NDST3: variants seen among roughly 807,000 people sequenced by gnomAD.
The protein encoded by NDST3 is bifunctional heparan sulfate N-deacetylase/N-sulfotransferase 3.
In NDST3, 58 loss-of-function variants were observed where a neutral mutation model predicts 96.1. The observed-to-expected ratio is 0.60, with a 90% confidence interval of 0.49 to 0.75. The LOEUF (loss-of-function observed/expected upper bound fraction) is 0.75, where lower values mean the gene tolerates loss of function less well. Among genes scored for constraint, NDST3 ranks in the 30% least tolerant of loss-of-function variants. The probability of loss-of-function intolerance (pLI) is 0.00; values close to 1 mark genes in which losing one functional copy is unlikely to be tolerated. For missense variants in NDST3, 788 were observed against 1,034.2 expected, an observed-to-expected ratio of 0.76 and a Z score of 3.27; for synonymous variants, 333 against 359.7, an observed-to-expected ratio of 0.93 and a Z score of 0.84.
intron 2 of NDST3, among the ~76,000 whole-genome samples, chr4:118,092,846 G>A (rs964995546): frequency 2.0e-5 from 3 of 151,796 alleles, no homozygotes; most frequent in Admixed American, 2.0e-4. Context: ...CAGGTGTTGT[G>A]GAGAAAATAA....
At chr4:118,087,578 C>A (rs1728531821) in intron 2 of NDST3, among the ~76,000 whole-genome samples, 1 of 152,096 alleles carries the variant, frequency 6.6e-6, no homozygotes, top group Non-Finnish European at 1.5e-5. Context: ...TGGCACAAAT[C>A]ATCACTGTCT....
chr4:118,231,616 C>G (rs181650350), intron 8 of NDST3, among the ~76,000 whole-genome samples: 31 of 151,874 alleles, frequency 2.0e-4, no homozygotes, highest in African/African-American at 7.3e-4. Flanking sequence ...TATTATAAGG[C>G]CATGTCTTGT....
At chr4:118,197,449 C>T (rs1737771043) in intron 6 of NDST3, among the ~76,000 whole-genome samples, 1 of 152,114 alleles carries the variant, frequency 6.6e-6, no homozygotes. Context: ...CTACTTCTCT[C>T]TTTAGCTCTA....
At chr4:118,139,152 A>C (rs1733363061) in intron 5 of NDST3, among the ~76,000 whole-genome samples, 1 of 152,134 alleles carries the variant, frequency 6.6e-6, no homozygotes, top group Non-Finnish European at 1.5e-5. Flanking sequence ...CTCAATAAAA[A>C]CTGTTGTAAA....
chr4:118,053,092 C>T (rs1198632944), intron 1 of NDST3, among the ~76,000 whole-genome samples: 2 of 151,936 alleles, frequency 1.3e-5, no homozygotes, highest in African/African-American at 2.4e-5. Flanking sequence ...TTTGCAGAAA[C>T]CCTGGGAAGT....
rs1469620941 is a variant in NDST3, at chr4:118,226,944, G to A, written c.1781G>A (p.Arg594His). 6 of 1,613,246 alleles carry A rather than the reference G, an allele frequency of 3.7e-6. No homozygotes were observed. The highest frequency in any genetic ancestry group is 2.5e-6 in the Non-Finnish European group (3 of 1,179,742). ...TGGTCTAAAGAAAAAACTTGTGATC[G>A]CTTACCAAAATTCTTGGTAATAGGA... is the stretch of plus-strand genomic sequence containing the variant. Reference protein sequence around the residue: ...DIWSKEKTCDRLPKFLVIGPQ... With the variant: ...DIWSKEKTCDHLPKFLVIGPQ... Residue 594 changes from arginine (R) to histidine (H), a missense_variant, in exon 8 of 14, where the codon CGC becomes CAC. By Grantham distance (29) the Arg-to-His change is conservative (BLOSUM62 0). This residue lies in a region of NDST3 where 490 missense variants were observed against 708.8 expected (regional missense o/e 0.69). Coordinates refer to ENST00000296499, the MANE Select transcript of NDST3 (RefSeq NM_004784.3).
intron 6 of NDST3, among the ~76,000 whole-genome samples, chr4:118,200,085 T>C (rs1195176223): frequency 2.6e-5 from 4 of 152,174 alleles, no homozygotes; most frequent in Non-Finnish European, 5.9e-5. Flanking sequence ...AGATCTGCAA[T>C]TAGCTGGTGA....
At position 118,206,412 on chromosome 4, in the gene NDST3, A is replaced by G. The variant is rs1738447192; in HGVS notation, c.1540-18079A>G. ...GTTGATAGGATTTAGACTGAAAGAC[A>G]TATGTAGAGAAGCATTCTGTACAGA... On this transcript the variant is annotated intron_variant, in intron 6 of 13. Transcript: ENST00000296499. 1.4e-5 allele frequency among the ~76,000 whole-genome samples: 2 copies of G among 144,768 alleles called. 1 individual carries two copies. The highest frequency in any genetic ancestry group is 3.1e-5 in the Non-Finnish European group (2 of 65,304). 95.0% of individuals were successfully genotyped at this position (144,768 alleles called of 152,430 possible). A position where few individuals can be genotyped will look rare whatever the true frequency, so the allele number is the denominator to read the frequency against.
At chr4:118,239,888 A>G (rs146869348) in intron 10 of NDST3, among the ~76,000 whole-genome samples, 403 of 152,254 alleles carry the variant, frequency 2.6e-3, no homozygotes, top group Non-Finnish European at 4.9e-3. Flanking sequence ...AGCCTGAGCA[A>G]TCCTGTTGGA....
At chr4:118,144,868 T>C (rs1023146988) in intron 6 of NDST3, among the ~76,000 whole-genome samples, 2 of 152,186 alleles carry the variant, frequency 1.3e-5, no homozygotes, top group Non-Finnish European at 2.9e-5. Flanking sequence ...GTGTTCACCA[T>C]CTACTTGTAT....
chr4:118,202,797 C>T (rs1738179382), intron 6 of NDST3, among the ~76,000 whole-genome samples: 3 of 152,074 alleles, frequency 2.0e-5, no homozygotes, highest in Admixed American at 2.0e-4. Flanking sequence ...ATTTGGATGC[C>T]TTTTATTTCT....
chr4:118,150,355 GCAATGGCAACAAAAGA>G, intron 6 of NDST3, among the ~76,000 whole-genome samples: 1 of 152,246 alleles, frequency 6.6e-6, no homozygotes, highest in South Asian at 2.1e-4. Context: ...AACACCAAAA[GCAATGGCAACAAAAGA>G]CAAAATTGAC....
intron 6 of NDST3, chr4:118,193,924 G>A (rs750863412): frequency 4.2e-6 from 4 of 959,086 alleles, no homozygotes; most frequent in Admixed American, 3.5e-5. Context: ...AAGCTTGCTT[G>A]TATTTGCCTT....
chr4:118,128,616 G>C lies in NDST3; in HGVS notation c.1225-9438G>C, dbSNP rs139728234. ...AATTTTATTGAGAATTTTTGCATCA[G>C]GATTCATCACAGATGTTGGCCTGTA... On this transcript the variant is annotated intron_variant, in intron 4 of 13. Coordinates refer to ENST00000296499, the MANE Select transcript of NDST3 (RefSeq NM_004784.3). 4.6e-5 allele frequency among the ~76,000 whole-genome samples: 7 copies of C among 151,962 alleles called. No individual in the cohort carries two copies. In the East Asian group the frequency reaches 1.4e-3, roughly 29 times the overall value.
chr4:118,040,286 G>A (rs2110423191), intron 1 of NDST3, among the ~76,000 whole-genome samples: 1 of 152,300 alleles, frequency 6.6e-6, no homozygotes, highest in Middle Eastern at 3.4e-3. Context: ...AGAGCTTAGA[G>A]GAAGGAGGTC....
chr4:118,067,451 C>A (rs1409834658), intron 2 of NDST3, among the ~76,000 whole-genome samples: 1 of 152,008 alleles, frequency 6.6e-6, no homozygotes, highest in Non-Finnish European at 1.5e-5. Context: ...GGCAAATGAA[C>A]AATGGAAAAC....
intron 8 of NDST3, 146 bp downstream of exon 8, chr4:118,227,128 A>C (rs1739936802): frequency 3.2e-6 from 2 of 624,556 alleles, no homozygotes; most frequent in Non-Finnish European, 5.6e-6. Flanking sequence ...CATTTAGCCC[A>C]GTAATATACC....
At chr4:118,129,738 TG>T (rs372142936) in intron 4 of NDST3, among the ~76,000 whole-genome samples, 381 of 152,226 alleles carry the variant, frequency 2.5e-3, no homozygotes, top group Admixed American at 5.3e-3. Context: ...CAATATTTTT[TG>T]TTGAGTTCCT....
At chr4:118,131,957 T>C (rs141406389) in intron 4 of NDST3, among the ~76,000 whole-genome samples, 121 of 152,250 alleles carry the variant, frequency 7.9e-4, no homozygotes, top group African/African-American at 2.7e-3. Context: ...ATTATGATGA[T>C]GCAAACACCC....
Sources: gnomAD v4.1 joint callset for allele counts (sites outside exome capture counted in the v4.1 genomes callset) on GRCh38, gnomAD v4.1.1 for gene constraint, gnomAD v4.1.1 regional missense constraint, MANE v1.5 for transcripts, NCBI Gene and HGNC (gene_info 2026-07-23, HGNC 2026-07-21) for gene names.